YIPF1: variants seen among roughly 807,000 people sequenced by gnomAD.
YIPF1 encodes the protein Yip1 domain family member 1.
In YIPF1, 22 loss-of-function variants were observed where a neutral mutation model predicts 37.0. That is an observed-to-expected ratio of 0.59 (90% confidence interval 0.42 to 0.85). YIPF1 has a LOEUF of 0.85. YIPF1 is among the 40% of genes least tolerant of loss of function. The pLI is 0.00. For missense variants in YIPF1, 355 were observed against 373.1 expected (o/e 0.95, Z 0.40); for synonymous variants, 128 against 131.9 (o/e 0.97, Z 0.21).
chr1:53,873,099 G>A (rs61774824), intron 6 of YIPF1, among the ~76,000 whole-genome samples: 5,014 of 152,224 alleles, frequency 0.033, 141 homozygotes, highest in East Asian at 0.12. Context: ...AGAATATTAT[G>A]TCCTCTCAGT....
Position 53,888,943 on chromosome 1 carries a change from C to A in YIPF1, c.-6G>T. 1 of 1,597,108 alleles carries A rather than the reference C, an allele frequency of 6.3e-7. No individual in the cohort carries two copies. The highest frequency in any genetic ancestry group is 8.6e-7 in the Non-Finnish European group (1 of 1,166,256). ...AAGTCATCTACTGCTGCCATTCGGC[C>A]AGTGAGTCTTCTCCCAATTATGAGG... is the stretch of plus-strand genomic sequence containing the variant. On this transcript the variant is annotated 5_prime_UTR_variant, in exon 3 of 11. Transcript: ENST00000072644.
At chr1:53,888,839 T>C in intron 3 of YIPF1, 68 bp downstream of exon 3, 1 of 1,427,602 alleles carries the variant, frequency 7.0e-7, no homozygotes, top group Non-Finnish European at 9.6e-7. Flanking sequence ...AGTATAGGAA[T>C]GAAAATACTT....
At chr1:53,875,105 T>C (rs1650300952) in intron 6 of YIPF1, among the ~76,000 whole-genome samples, 1 of 152,174 alleles carries the variant, frequency 6.6e-6, no homozygotes, top group African/African-American at 2.4e-5. Flanking sequence ...TTCAAACTGC[T>C]CCAATTTGTG....
At chr1:53,878,933 G>A (rs1476506455) in intron 4 of YIPF1, among the ~76,000 whole-genome samples, 2 of 152,064 alleles carry the variant, frequency 1.3e-5, no homozygotes, top group Non-Finnish European at 2.9e-5. Flanking sequence ...CACCAAAAGG[G>A]TTCAAATCCT....
At chr1:53,870,480 T>C (rs564792105) in intron 7 of YIPF1, among the ~76,000 whole-genome samples, 10 of 152,174 alleles carry the variant, frequency 6.6e-5, no homozygotes, top group African/African-American at 2.4e-4. Context: ...CCAGCCCAGA[T>C]TTCTCTTCAG....
At chr1:53,878,037 C>T (rs1650379400) in intron 6 of YIPF1, among the ~76,000 whole-genome samples, 1 of 152,214 alleles carries the variant, frequency 6.6e-6, no homozygotes, top group African/African-American at 2.4e-5. Flanking sequence ...CCATCTTAGC[C>T]TTCCAAAGTG....
At chr1:53,860,659 C>A (rs1649846931) in intron 9 of YIPF1, among the ~76,000 whole-genome samples, 1 of 152,242 alleles carries the variant, frequency 6.6e-6, no homozygotes, top group Admixed American at 6.5e-5. Context: ...ACCTAATGAA[C>A]TGAACTACAT....
intron 3 of YIPF1, among the ~76,000 whole-genome samples, chr1:53,886,377 A>C (rs1162224484): frequency 6.6e-6 from 1 of 151,874 alleles, no homozygotes; most frequent in East Asian, 1.9e-4. Context: ...CTTGAGCATA[A>C]AACTGGTATG....
intron 6 of YIPF1, 50 bp from the exon 7 acceptor site, chr1:53,871,538 T>C (rs767663436): frequency 1.4e-6 from 2 of 1,387,682 alleles, no homozygotes; most frequent in South Asian, 2.4e-5. Flanking sequence ...AGCATAAGCC[T>C]TTAGATTCTT....
chr1:53,869,072 A>G (rs1048147701), intron 7 of YIPF1, among the ~76,000 whole-genome samples: 1 of 151,972 alleles, frequency 6.6e-6, no homozygotes. Context: ...GATGGACAAG[A>G]AGGGAAAGTG....
intron 4 of YIPF1, among the ~76,000 whole-genome samples, chr1:53,881,307 G>A (rs1650495641): frequency 6.6e-6 from 1 of 150,696 alleles, no homozygotes; most frequent in East Asian, 1.9e-4. Flanking sequence ...ACATAGGCAT[G>A]GGCAAAGATT....
At chr1:53,855,103 C>A (rs1168065872) in intron 10 of YIPF1, 6 of 150,978 alleles carry the variant, frequency 4.0e-5, no homozygotes, top group Non-Finnish European at 7.4e-5. Context: ...GAAATGAACA[C>A]TCTTGACAAT....
intron 3 of YIPF1, among the ~76,000 whole-genome samples, chr1:53,884,036 C>CA (rs1168347559): frequency 2.7e-4 from 40 of 146,280 alleles, no homozygotes; most frequent in Admixed American, 7.6e-4. Flanking sequence ...GACTATGTCT[C>CA]AAAAAAAAAG....
chr1:53,857,755 G>A (rs1557600986), intron 10 of YIPF1, among the ~76,000 whole-genome samples: 1 of 152,154 alleles, frequency 6.6e-6, no homozygotes, highest in Non-Finnish European at 1.5e-5. Context: ...GCCAAGGTGG[G>A]TGGCTCACAA....
intron 9 of YIPF1, 132 bp downstream of exon 9, chr1:53,866,068 G>T: frequency 8.5e-7 from 1 of 1,174,558 alleles, no homozygotes. Context: ...CCAAAGTATT[G>T]GGATTATGGG....
chr1:53,858,471 G>C (rs1025819318), intron 10 of YIPF1, among the ~76,000 whole-genome samples: 6 of 152,108 alleles, frequency 3.9e-5, no homozygotes, highest in African/African-American at 1.4e-4. Context: ...TTATTGCTGA[G>C]CACCTTAACT....
chr1:53,862,730 C>T (rs1406883215), intron 9 of YIPF1, among the ~76,000 whole-genome samples: 2 of 152,178 alleles, frequency 1.3e-5, no homozygotes, highest in Non-Finnish European at 2.9e-5. Context: ...CCTCTCTCTG[C>T]CCTAATAATA....
intron 3 of YIPF1, among the ~76,000 whole-genome samples, chr1:53,884,404 C>T (rs1050787288): frequency 6.6e-6 from 1 of 152,086 alleles, no homozygotes; most frequent in Admixed American, 6.5e-5. Context: ...CACAATGTGC[C>T]AAGTACTGAT....
At position 53,883,209 on chromosome 1, in the gene YIPF1, A is replaced by C; in HGVS notation, c.99T>G (p.Pro33=). 6.3e-7 allele frequency: 1 copy of C among 1,597,800 alleles called. No individual in the cohort carries two copies. The highest frequency in any genetic ancestry group is 1.1e-5 in the South Asian group (1 of 88,114). Residue 33 remains proline (P), a synonymous_variant, in exon 4 of 11, where the codon CCT becomes CCG. Transcript: ENST00000072644. ...CTGGCTGATGTTTTGGGGTTTCACCAGGATCCTCAATGTTTACTGTGGTGG... is the reference window on the plus strand; with the variant it reads ...CTGGCTGATGTTTTGGGGTTTCACCCGGATCCTCAATGTTTACTGTGGTGG... ...PDATTVNIED[P]GETPKHQPGS...
Sources: gnomAD v4.1 joint callset for allele counts (sites outside exome capture counted in the v4.1 genomes callset) on GRCh38, gnomAD v4.1.1 for gene constraint, MANE v1.5 for transcripts, NCBI Gene and HGNC (gene_info 2026-07-23, HGNC 2026-07-21) for gene names.